CES1: variants seen among roughly 807,000 people sequenced by gnomAD.
The protein encoded by CES1 is carboxylesterase 1, also known as liver carboxylesterase 1.
A neutral mutation model predicts 53.0 loss-of-function variants in CES1; 50 were observed. The observed-to-expected ratio is 0.94, with a 90% CI of 0.75 to 1.19. CES1 has a LOEUF of 1.19. CES1 is among the 50% of genes most tolerant of loss of function. CES1 has a pLI of 0.00. For missense variants in CES1, 534 were observed against 538.0 expected (o/e 0.99, Z 0.07); for synonymous variants, 202 against 210.1 (o/e 0.96, Z 0.33).
At chr16:55,813,524 G>T (rs1422207411) in intron 8 of CES1, among the ~76,000 whole-genome samples, 1 of 152,112 alleles carries the variant, frequency 6.6e-6, no homozygotes, top group African/African-American at 2.4e-5. Context: ...GGTTTCTGTT[G>T]AAAGAGACTT....
At chr16:55,821,265 G>T (rs2032177711) in intron 5 of CES1, 103 bp downstream of exon 5, 5 of 1,435,520 alleles carry the variant, frequency 3.5e-6, no homozygotes, top group Middle Eastern at 1.7e-4. Context: ...CTGAATTCAG[G>T]TATTGTAATC....
chr16:55,824,078 C>T (rs2032325766), intron 3 of CES1, among the ~76,000 whole-genome samples: 1 of 152,254 alleles, frequency 6.6e-6, no homozygotes, highest in Non-Finnish European at 1.5e-5. Context: ...TGTATCTCAG[C>T]TTCATCTCAG....
Position 55,810,932 on chromosome 16 carries a change from G to A in CES1, c.1165C>T (p.Leu389Phe), listed in dbSNP as rs756249959. 1.1e-5 allele frequency: 18 copies of A among 1,613,296 alleles called. No individual in the cohort carries two copies. The highest frequency in any genetic ancestry group is 1.4e-5 in the Non-Finnish European group (16 of 1,179,422). ...CATGATTCCTAGACTCTTACAACAA[G>A]GGGATAGGACTTCCACAGGAGTGAC... The part of the protein sequence containing the change: ...AMSLLWKSYP[L>F]VCIAKELIPE... Residue 389 changes from leucine (L) to phenylalanine (F), a missense_variant, in exon 10 of 14, where the codon CTT becomes TTT. By Grantham distance (22) the Leu-to-Phe change is conservative (BLOSUM62 0). Coordinates refer to ENST00000360526, the MANE Select transcript of CES1 (RefSeq NM_001025195.2).
intron 3 of CES1, among the ~76,000 whole-genome samples, 170 bp downstream of exon 3, chr16:55,825,981 T>G (rs1160141509): frequency 3.9e-5 from 6 of 152,188 alleles, no homozygotes; most frequent in African/African-American, 9.7e-5. Flanking sequence ...GTCACGAGGG[T>G]AAACTGATGT....
At chr16:55,818,521 A>G (rs1390985182) in intron 7 of CES1, among the ~76,000 whole-genome samples, 1 of 151,642 alleles carries the variant, frequency 6.6e-6, no homozygotes, top group Non-Finnish European at 1.5e-5. Context: ...AAGGGCATGA[A>G]CTCCTGAATT....
At chr16:55,815,556 G>T (rs2031902748) in intron 8 of CES1, among the ~76,000 whole-genome samples, 1 of 152,182 alleles carries the variant, frequency 6.6e-6, no homozygotes, top group South Asian at 2.1e-4. Context: ...ACCTTGTTGT[G>T]TCAGAAAACT....
At chr16:55,824,145 C>T (rs1380744039) in intron 3 of CES1, among the ~76,000 whole-genome samples, 17 of 151,838 alleles carry the variant, frequency 1.1e-4, no homozygotes, top group African/African-American at 3.6e-4. Context: ...TCTCGAGAAG[C>T]ACACGTGCCT....
chr16:55,820,997 T>C (rs1469367379), intron 5 of CES1, among the ~76,000 whole-genome samples: 1 of 152,148 alleles, frequency 6.6e-6, no homozygotes, highest in Non-Finnish European at 1.5e-5. Context: ...CCCTTACTCA[T>C]AATTTATGCC....
rs535355988 is a variant in CES1 at position 55,810,692 on chromosome 16, G to C, written c.1171-28C>G. ...GAAATAGATCAAAAAGTGACCACCA[G>C]CCCCGGGTGAGCGATGCAGCTTCTC... On this transcript the variant is annotated intron_variant, in intron 10 of 13. Coordinates refer to ENST00000360526, the MANE Select transcript of CES1 (RefSeq NM_001025195.2). 1.3e-5 allele frequency: 21 copies of C among 1,613,436 alleles called. 1 individual carries two copies. The highest frequency in any genetic ancestry group is 8.0e-5 in the African/African-American group (6 of 75,002).
chr16:55,826,370 A>G (rs1229439805), intron 2 of CES1, 75 bp from the exon 3 acceptor site: 6 of 1,562,726 alleles, frequency 3.8e-6, no homozygotes, highest in African/African-American at 2.7e-5. Context: ...AGCGCCTTGG[A>G]CTGGGAGGTT....
intron 11 of CES1, among the ~76,000 whole-genome samples, chr16:55,810,160 C>G (rs28423062): frequency 2.6e-5 from 4 of 152,088 alleles, no homozygotes; most frequent in Admixed American, 6.5e-5. Context: ...GCCCCTGAGC[C>G]CTGTATTCTT....
rs1391367009 is a variant in CES1, at chr16:55,824,642, G to C, written c.406-959C>G. Among the ~76,000 whole-genome samples the C allele has an allele frequency of 2.6e-5, 4 of 152,214 alleles. No homozygotes were observed. In the East Asian group the frequency reaches 5.8e-4, roughly 22 times the overall value. ...GCCTCCAGAGTCCACATGTTGAGCT[G>C]CCCAGCACACTGCAGGCGCCGGCCA... On this transcript the variant is annotated intron_variant, in intron 3 of 13. Transcript: ENST00000360526.
chr16:55,822,307 T>C (rs562507032), intron 4 of CES1, among the ~76,000 whole-genome samples: 16 of 152,364 alleles, frequency 1.1e-4, no homozygotes, highest in Admixed American at 2.6e-4. Flanking sequence ...TTAAAGATCA[T>C]AATCAAGGTG....
At chr16:55,829,629 C>A (rs1353643062) in intron 1 of CES1, among the ~76,000 whole-genome samples, 12 of 152,324 alleles carry the variant, frequency 7.9e-5, no homozygotes, top group South Asian at 4.1e-4. Context: ...GGGGGCATGG[C>A]CCACATGCAC....
Position 55,821,523 on chromosome 16 carries a change from T to C in CES1, c.540-2A>G. On this transcript the variant is annotated splice_acceptor_variant, in intron 4 of 13. Coordinates refer to ENST00000360526, the MANE Select transcript of CES1 (RefSeq NM_001025195.2). LOFTEE classifies it high-confidence loss of function. ...CCCCGGCTGTGTTCATCCCCTGTGCTGTGAGGAAGAGAACAGGTTGAGGGT... is the reference window on the plus strand; with the variant it reads ...CCCCGGCTGTGTTCATCCCCTGTGCCGTGAGGAAGAGAACAGGTTGAGGGT... The C allele has an allele frequency of 6.2e-7, 1 of 1,614,188 alleles. No homozygotes were observed. Among genetic ancestry groups the C allele is most frequent in the Non-Finnish European group, 8.5e-7 (1 of 1,180,032 alleles).
Position 55,819,579 on chromosome 16 carries a change from G to C in CES1, c.862C>G (p.Arg288Gly). Residue 288 changes from arginine (R) to glycine (G), a missense_variant, in exon 7 of 14, where the codon CGA (arginine) becomes GGA (glycine). This residue lies in a region of CES1 where 269 missense variants were observed against 206.6 expected (regional missense o/e 1.30). Coordinates refer to ENST00000360526, the MANE Select transcript of CES1 (RefSeq NM_001025195.2). The stretch of plus-strand genomic sequence containing the variant: ...AAGAGCTCCTCTTCCGTCTTCTGTC[G>C]CAGGCAGTGAACCATGACAGCAGAG... ...TTSAVMVHCLRQKTEEELLET... is the reference protein window; with the variant it reads ...TTSAVMVHCLGQKTEEELLET... 6.2e-7 allele frequency: 1 copy of C among 1,614,066 alleles called. No homozygotes were observed. The highest frequency in any genetic ancestry group is 8.5e-7 in the Non-Finnish European group (1 of 1,179,998).
intron 6 of CES1, chr16:55,819,854 C>T: frequency 1.6e-6 from 1 of 641,804 alleles, no homozygotes. Flanking sequence ...AATCTCTCAT[C>T]TCTGCTACCT....
rs746120986 is a variant in CES1 at position 55,833,074 on chromosome 16, C to G, written c.-19G>C. The G allele has an allele frequency of 2.6e-6, 4 of 1,553,548 alleles. 1 individual carries two copies. The South Asian group carries it at 3.4e-5, about 13-fold the overall frequency. Reference sequence around the variant, plus strand: ...GCCACATCGTGGAAGGGCGACAGTTCTCGGGGCCTGCGAGGTCTCTGTGCA... The same window carrying G: ...GCCACATCGTGGAAGGGCGACAGTTGTCGGGGCCTGCGAGGTCTCTGTGCA... On this transcript the variant is annotated 5_prime_UTR_variant, in exon 1 of 14. Transcript: ENST00000360526.
rs368888305 is a variant in CES1, at chr16:55,810,504, C to T, written c.1318+13G>A. On this transcript the variant is annotated intron_variant, in intron 11 of 13. Transcript: ENST00000360526. ...GGGGTTTGTGTCCCTCCCGTTCGAC[C>T]TCTGGGACTCACCTCTGTGGTTCCG... The T allele has an allele frequency of 3.0e-5, 48 of 1,614,118 alleles. No individual in the cohort carries two copies. The African/African-American group carries it at 5.9e-4, about 20-fold the overall frequency.
Sources: gnomAD v4.1 joint callset for allele counts (sites outside exome capture counted in the v4.1 genomes callset) on GRCh38, gnomAD v4.1.1 for gene constraint, gnomAD v4.1.1 regional missense constraint, MANE v1.5 for transcripts, NCBI Gene and HGNC (gene_info 2026-07-23, HGNC 2026-07-21) for gene names.